Variants in MCC observed in about 807,000 individuals in gnomAD.
MCC encodes colorectal mutant cancer protein.
A neutral mutation model predicts 116.2 loss-of-function variants in MCC; 90 were observed. The ratio of observed to expected loss-of-function variants is 0.77; its 90% CI spans 0.65 to 0.92. The LOEUF is 0.92. MCC is among the 40% of genes least tolerant of loss of function. The pLI, the probability that MCC is intolerant of heterozygous loss-of-function variation, is 0.00. For synonymous variants in MCC, 578 were observed against 510.5 expected, an observed-to-expected ratio of 1.13 and a Z score of -1.78; for missense variants, 1,516 against 1,312.2, an observed-to-expected ratio of 1.16 and a Z score of -2.40.
chr5:113,393,027 A>C (rs1769437379), intron 1 of MCC, among the ~76,000 whole-genome samples: 1 of 151,844 alleles, frequency 6.6e-6, no homozygotes, highest in Non-Finnish European at 1.5e-5. Flanking sequence ...AGTATTAATC[A>C]AAGGTTTAAA....
chr5:113,151,274 C>A lies in MCC; in HGVS notation c.741+35G>T, dbSNP rs544955348. The A allele has an allele frequency of 3.0e-6, 4 of 1,332,780 alleles. No homozygotes were observed. In the African/African-American group the frequency reaches 5.9e-5, roughly 20 times the overall value. 82.6% of individuals were successfully genotyped at this position (1,332,780 alleles called of 1,614,324 possible). On this transcript the variant is annotated intron_variant, in intron 4 of 18. Transcript: ENST00000408903. ...AAGATTAAATATTTAAAACAAAAAA[C>A]AAAAGCAAACTAAAAACCTTTCCAG... is the stretch of plus-strand genomic sequence containing the variant.
chr5:113,140,774 CACT>C (rs1377106766), intron 5 of MCC, among the ~76,000 whole-genome samples: 2 of 152,168 alleles, frequency 1.3e-5, no homozygotes, highest in East Asian at 3.8e-4. Flanking sequence ...ATGGTACCAC[CACT>C]GTGTCTGTCC....
At chr5:113,429,505 C>T (rs1440258247) in intron 1 of MCC, among the ~76,000 whole-genome samples, 1 of 152,188 alleles carries the variant, frequency 6.6e-6, no homozygotes, top group Non-Finnish European at 1.5e-5. Context: ...GGTGAAGGGA[C>T]ATGTAATGCA....
chr5:113,417,152 G>C (rs1454286272), intron 1 of MCC, among the ~76,000 whole-genome samples: 2 of 151,884 alleles, frequency 1.3e-5, no homozygotes, highest in Non-Finnish European at 1.5e-5. Context: ...CGTATTTTAG[G>C]AGAGACTGGG....
At chr5:113,213,197 C>T (rs1230616527) in intron 3 of MCC, among the ~76,000 whole-genome samples, 3 of 152,186 alleles carry the variant, frequency 2.0e-5, no homozygotes, top group Admixed American at 6.5e-5. Context: ...CTACACACCT[C>T]TCTAACTTTC....
Position 113,274,296 on chromosome 5 carries a change from G to A in MCC, c.627+66223C>T, listed in dbSNP as rs192671980. Among the ~76,000 whole-genome samples the A allele has an allele frequency of 4.1e-3, 620 of 152,324 alleles. 5 individuals carry two copies. Among genetic ancestry groups the A allele is most frequent in the African/African-American group, 0.014 (573 of 41,582 alleles). Reference sequence around the variant, plus strand: ...AGCAAACCAACTTCCCCCTAGGAAAGGGGGAAACCAATAGGGAAGCATTTG... The same window carrying A: ...AGCAAACCAACTTCCCCCTAGGAAAAGGGGAAACCAATAGGGAAGCATTTG... On this transcript the variant is annotated intron_variant, in intron 3 of 18. Coordinates refer to ENST00000408903, the MANE Select transcript of MCC (RefSeq NM_001085377.2).
chr5:113,169,946 G>T (rs1291934292), intron 3 of MCC, among the ~76,000 whole-genome samples: 1 of 152,154 alleles, frequency 6.6e-6, no homozygotes, highest in East Asian at 1.9e-4. Context: ...CAGCTTTTAT[G>T]CATTGCTCAA....
At chr5:113,440,394 G>A (rs1021918867) in intron 1 of MCC, among the ~76,000 whole-genome samples, 2 of 152,010 alleles carry the variant, frequency 1.3e-5, no homozygotes, top group African/African-American at 4.8e-5. Flanking sequence ...CCCCCAGGCA[G>A]ACCCACAACA....
intron 2 of MCC, among the ~76,000 whole-genome samples, chr5:113,359,390 G>A (rs1296822262): frequency 6.6e-6 from 1 of 152,194 alleles, no homozygotes; most frequent in Non-Finnish European, 1.5e-5. Flanking sequence ...AGTGAGTTCA[G>A]CAATCCTTGA....
chr5:113,198,802 G>C (rs971974615), intron 3 of MCC, among the ~76,000 whole-genome samples: 1 of 152,070 alleles, frequency 6.6e-6, no homozygotes, highest in Non-Finnish European at 1.5e-5. Flanking sequence ...CAGGAGAGAG[G>C]CTGGGCTGGG....
chr5:113,341,316 A>T lies in MCC; in HGVS notation c.416-586T>A, dbSNP rs117154736. ...GTGATCACGGCTCATTGTAGCCTCA[A>T]CCTCCTGGGTCAAGTGATCCTCCTG... On this transcript the variant is annotated intron_variant, in intron 2 of 18. Coordinates refer to ENST00000408903, the MANE Select transcript of MCC (RefSeq NM_001085377.2). 4.7e-3 allele frequency among the ~76,000 whole-genome samples: 716 copies of T among 151,132 alleles called. 6 individuals are homozygous for T. Among genetic ancestry groups the T allele is most frequent in the East Asian group, 0.044 (222 of 5,094 alleles).
chr5:113,376,594 CACACACACACACAT>C (rs2150390766), intron 2 of MCC, among the ~76,000 whole-genome samples: 1 of 152,122 alleles, frequency 6.6e-6, no homozygotes, highest in Non-Finnish European at 1.5e-5. Flanking sequence ...CACACACACA[CACACACACACACAT>C]ATCAGTATTA....
chr5:113,294,959 C>G (rs558852555), intron 3 of MCC: 1 of 985,626 alleles, frequency 1.0e-6, no homozygotes, highest in African/African-American at 1.7e-5. Flanking sequence ...TGATTGAACA[C>G]AGCTGTCTAG....
At chr5:113,168,405 T>C (rs895041104) in intron 3 of MCC, among the ~76,000 whole-genome samples, 4 of 152,268 alleles carry the variant, frequency 2.6e-5, no homozygotes, top group Admixed American at 6.5e-5. Flanking sequence ...TGAAGAAATA[T>C]ACTTGCACTT....
chr5:113,128,841 G>A (rs1426183861), intron 5 of MCC, among the ~76,000 whole-genome samples: 1 of 152,162 alleles, frequency 6.6e-6, no homozygotes, highest in African/African-American at 2.4e-5. Context: ...GGCAGACAAG[G>A]AGGTTTTGGT....
rs1269527611 is a variant in MCC at position 113,248,832 on chromosome 5, C to CTTTTTTTTTTTT, written c.627+91675_627+91686dup. Among the ~76,000 whole-genome samples, 358 of 138,062 alleles carry CTTTTTTTTTTTT rather than the reference C, an allele frequency of 2.6e-3. 7 individuals carry two copies. The highest frequency in any genetic ancestry group is 4.2e-3 in the African/African-American group (158 of 37,302). 90.6% of individuals were successfully genotyped at this position (138,062 alleles called of 152,430 possible). On this transcript the variant is annotated intron_variant, in intron 3 of 18. Coordinates refer to ENST00000408903, the MANE Select transcript of MCC (RefSeq NM_001085377.2). The stretch of plus-strand genomic sequence containing the variant: ...CATGTGCTCTCATTCTCTCTCTCTT[C>CTTTTTTTTTTTT]TTTTTTTTTTTTTGAGATGGAGTCT...
At chr5:113,146,465 G>T (rs1759527849) in intron 4 of MCC, among the ~76,000 whole-genome samples, 1 of 151,174 alleles carries the variant, frequency 6.6e-6, no homozygotes, top group South Asian at 2.1e-4. Context: ...ACCCTGAAAC[G>T]CCTCTGTGAA....
Position 113,385,591 on chromosome 5 carries a change from T to C in MCC, c.171-379A>G, listed in dbSNP as rs371635730. On this transcript the variant is annotated intron_variant, in intron 1 of 18. Coordinates refer to ENST00000408903, the MANE Select transcript of MCC (RefSeq NM_001085377.2). ...GTTTCAGAACATAGAACAGACATTA[T>C]TTCTACTCTTGGCAGAGTCCAAAAC... Among the ~76,000 whole-genome samples, 27 of 152,356 alleles carry C rather than the reference T, an allele frequency of 1.8e-4. 4 individuals are homozygous for C. The highest frequency in any genetic ancestry group is 7.2e-4 in the Admixed American group (11 of 15,306).
chr5:113,098,436 G>A (rs1357077181), intron 8 of MCC, among the ~76,000 whole-genome samples: 5 of 152,178 alleles, frequency 3.3e-5, no homozygotes, highest in Admixed American at 1.3e-4. Flanking sequence ...GACCAATCAC[G>A]TTTGTGAAAT....
Sources: gnomAD v4.1 joint callset for allele counts (sites outside exome capture counted in the v4.1 genomes callset) on GRCh38, gnomAD v4.1.1 for gene constraint, MANE v1.5 for transcripts, NCBI Gene and HGNC (gene_info 2026-07-23, HGNC 2026-07-21) for gene names.